Variants in TCIRG1 observed in about 807,000 individuals in gnomAD.
TCIRG1 encodes T cell immune regulator 1, ATPase H+ transporting V0 subunit a3.
A neutral mutation model predicts 95.5 loss-of-function variants in TCIRG1; 86 were observed. The ratio of observed to expected loss-of-function variants is 0.90; its 90% CI spans 0.76 to 1.08. TCIRG1 has a LOEUF of 1.08. TCIRG1 is among the 50% of genes least tolerant of loss of function. TCIRG1 has a pLI of 0.00. For synonymous variants in TCIRG1, 499 were observed against 501.3 expected (o/e 1.00, Z 0.06); for missense variants, 1,069 against 1,140.2 (o/e 0.94, Z 0.90).
rs756310950 is a variant in TCIRG1, at chr11:68,050,229, G to A, written c.2211G>A (p.Leu737=). 1.2e-6 allele frequency: 2 copies of A among 1,613,364 alleles called. No homozygotes were observed. Among genetic ancestry groups the A allele is most frequent in the South Asian group, 1.1e-5 (1 of 91,076 alleles). Residue 737 remains leucine, a synonymous_variant, in exon 18 of 20, where the codon CTG becomes CTA. Coordinates refer to ENST00000265686, the MANE Select transcript of TCIRG1 (RefSeq NM_006019.4). ...CVSNTASYLR[L]WALSLAHAQL... is the part of the protein sequence containing the mutation. ...CCAACACCGCCTCCTACCTGCGCCT[G>A]TGGGCCCTGAGCCTGGCCCACGCCC...
In TCIRG1 at chr11:68,047,764, G is replaced by A. The variant is rs200970211; in HGVS notation, c.1423G>A (p.Gly475Ser). ...FSRATSIFPSGWSVAAMANQS... is the reference protein window; with the variant it reads ...FSRATSIFPSSWSVAAMANQS... ...TCGCGCCACCAGCATCTTCCCCTCG[G>A]GCTGGAGTGTGGCCGCCATGGCCAA... The change falls in exon 12 of 20, where the codon GGC becomes AGC. Residue 475 changes from glycine to serine, a missense_variant. Gly to Ser is a moderately conservative substitution (Grantham distance 56). Coordinates refer to ENST00000265686, the MANE Select transcript of TCIRG1 (RefSeq NM_006019.4). The A allele has an allele frequency of 6.1e-5, 99 of 1,613,166 alleles. No individual in the cohort carries two copies. Among genetic ancestry groups the A allele is most frequent in the Middle Eastern group, 3.3e-4 (2 of 6,062 alleles).
intron 2 of TCIRG1, 123 bp downstream of exon 2, chr11:68,041,511 C>T (rs1460746816): frequency 3.7e-6 from 3 of 813,256 alleles, no homozygotes; most frequent in African/African-American, 1.7e-5. Context: ...CCCAGCGGCC[C>T]CTGCCATGGG....
At chr11:68,048,624 C>T (rs1033706076) in intron 13 of TCIRG1, among the ~76,000 whole-genome samples, 6 of 152,220 alleles carry the variant, frequency 3.9e-5, no homozygotes, top group Non-Finnish European at 8.8e-5. Context: ...GTAACAACCC[C>T]GTGGGCCTCA....
At chr11:68,047,325 AG>A in intron 10 of TCIRG1, 107 bp from the exon 11 acceptor site, 1 of 1,075,718 alleles carries the variant, frequency 9.3e-7, no homozygotes, top group Non-Finnish European at 1.3e-6. Flanking sequence ...CTGGCTGCTA[AG>A]TGATGGGTTC....
At chr11:68,039,383 G>A (rs990469595) in intron 1 of TCIRG1, among the ~76,000 whole-genome samples, 1 of 152,192 alleles carries the variant, frequency 6.6e-6, no homozygotes, top group Non-Finnish European at 1.5e-5. Context: ...TCCTTGGAGG[G>A]AGGGACCCAT....
At chr11:68,046,462 C>G (rs934922436) in intron 10 of TCIRG1, among the ~76,000 whole-genome samples, 1 of 152,168 alleles carries the variant, frequency 6.6e-6, no homozygotes, top group Non-Finnish European at 1.5e-5. Context: ...CATCTTCACA[C>G]ACTGTTCTCC....
At chr11:68,049,548 G>A (rs1855685246) in intron 15 of TCIRG1, 115 bp from the exon 16 acceptor site, 3 of 1,424,578 alleles carry the variant, frequency 2.1e-6, no homozygotes, top group Non-Finnish European at 2.9e-6. Flanking sequence ...AGCCCCCGGG[G>A]GCCCTGGAGG....
rs751983355 is a variant in TCIRG1 at position 68,050,649 on chromosome 11, C to T, written c.2399C>T (p.Ala800Val). 6.2e-7 allele frequency: 1 copy of T among 1,613,412 alleles called. No individual in the cohort carries two copies. The highest frequency in any genetic ancestry group is 8.5e-7 in the Non-Finnish European group (1 of 1,180,024). ...VMEGLSAFLH[A>V]LRLHWVEFQN... ...GAGGGACTCTCAGCCTTCCTGCACG[C>T]CCTGCGGCTGCACTGGTGAGCGACC... The change falls in exon 19 of 20, where the codon GCC becomes GTC. Residue 800 changes from alanine (A) to valine (V), a missense_variant. Ala to Val is a moderately conservative substitution (Grantham distance 64). Transcript: ENST00000265686.
chr11:68,041,713 CCCT>C, intron 2 of TCIRG1, 37 bp from the exon 3 acceptor site: 1 of 1,550,160 alleles, frequency 6.5e-7, no homozygotes, highest in Non-Finnish European at 8.8e-7. Context: ...CTCCCTGACC[CCCT>C]TCCCGGGACA....
At chr11:68,042,153 T>G (rs1358738216) in intron 3 of TCIRG1, among the ~76,000 whole-genome samples, 2 of 149,534 alleles carry the variant, frequency 1.3e-5, no homozygotes, top group Non-Finnish European at 3.0e-5. Context: ...CAGACAGCTT[T>G]CTCCTCTACA....
chr11:68,041,585 G>T (rs939907107), intron 2 of TCIRG1, among the ~76,000 whole-genome samples, 168 bp from the exon 3 acceptor site: 1 of 152,236 alleles, frequency 6.6e-6, no homozygotes, highest in African/African-American at 2.4e-5. Flanking sequence ...CCCTCCTGGG[G>T]CATGGGGTCT....
At chr11:68,041,881 TG>T in intron 3 of TCIRG1, 50 bp downstream of exon 3, 1 of 1,508,272 alleles carries the variant, frequency 6.6e-7, no homozygotes, top group African/African-American at 1.4e-5. Context: ...GGAGGAGGCA[TG>T]GGCCAAGTTT....
At chr11:68,043,699 C>G (rs1439080507) in intron 7 of TCIRG1, 46 bp downstream of exon 7, 13 of 1,555,642 alleles carry the variant, frequency 8.4e-6, no homozygotes, top group Non-Finnish European at 1.0e-5. Flanking sequence ...TCCCCAGGCC[C>G]CTGCTGTCAC....
At position 68,047,504 on chromosome 11, in the gene TCIRG1, A is replaced by G; in HGVS notation, c.1237A>G (p.Met413Val). The change falls in exon 11 of 20, where the codon ATG becomes GTG. Residue 413 changes from methionine (M) to valine (V), a missense_variant. By Grantham distance (21) the Met-to-Val change is conservative. Transcript: ENST00000265686. ...CGGGGATGTGGGCCACGGGCTGCTC[A>G]TGTTCCTGTTCGCCCTGGCCATGGT... Reference protein sequence around the residue: ...MFGDVGHGLLMFLFALAMVLA... With the variant: ...MFGDVGHGLLVFLFALAMVLA... The G allele has an allele frequency of 1.2e-6, 2 of 1,613,900 alleles. No homozygotes were observed. Among genetic ancestry groups the G allele is most frequent in the East Asian group, 2.2e-5 (1 of 44,854 alleles).
At chr11:68,050,973 C>A, downstream of TCIRG1, 2 of 856,518 alleles carry the variant, frequency 2.3e-6, no homozygotes, top group Non-Finnish European at 3.8e-6. Context: ...GATCTGGGAC[C>A]TCAAAAGTCA....
In TCIRG1 at chr11:68,050,027, G is replaced by A; in HGVS notation, c.2079G>A (p.Glu693=). 6.2e-7 allele frequency: 1 copy of A among 1,613,426 alleles called. No individual in the cohort carries two copies. Among genetic ancestry groups the A allele is most frequent in the Middle Eastern group, 1.7e-4 (1 of 5,994 alleles). Residue 693 remains glutamate, a synonymous_variant, in exon 17 of 20, where the codon GAG becomes GAA. Transcript: ENST00000265686. ...DASVNGWSSD[E]EKAGGLDDEE... is the part of the protein sequence containing the mutation. ...CTGTGAATGGCTGGAGCTCCGATGAGGAAAAGGCAGGGGGCCTGGATGATG... is the reference window on the plus strand; with the variant it reads ...CTGTGAATGGCTGGAGCTCCGATGAAGAAAAGGCAGGGGGCCTGGATGATG...
rs2134438285 is a variant in TCIRG1, at chr11:68,043,476, G to A, written c.609G>A (p.Gln203=). 2.6e-6 allele frequency: 4 copies of A among 1,560,238 alleles called. No individual in the cohort carries two copies. The highest frequency in any genetic ancestry group is 3.5e-6 in the Non-Finnish European group (4 of 1,152,722). The stretch of plus-strand genomic sequence containing the variant: ...TTGCCAGCTTCAGGGAGCTGGAGCA[G>A]CCGCTGGAGCACCCCGTGACGGTGA... ...FLIASFRELE[Q]PLEHPVTGEP... Residue 203 remains glutamine, a synonymous_variant, in exon 6 of 20, where the codon CAG becomes CAA. Transcript: ENST00000265686.
At chr11:68,053,359 CAGG>C (rs1855871879), downstream of TCIRG1, 1 of 152,666 alleles carries the variant, frequency 6.6e-6, no homozygotes, top group African/African-American at 2.4e-5. Flanking sequence ...ACACGCCCAG[CAGG>C]AGGGGAGAGC....
chr11:68,043,714 C>T (rs959596347), intron 7 of TCIRG1, 61 bp downstream of exon 7: 527 of 1,544,994 alleles, frequency 3.4e-4, no homozygotes, highest in Non-Finnish European at 4.5e-4. Flanking sequence ...TGTCACCTCC[C>T]AGCCCGCCCT....
Sources: gnomAD v4.1 joint callset for allele counts (sites outside exome capture counted in the v4.1 genomes callset) on GRCh38, gnomAD v4.1.1 for gene constraint, MANE v1.5 for transcripts, NCBI Gene and HGNC (gene_info 2026-07-23, HGNC 2026-07-21) for gene names.